SORBS2: variants seen among roughly 807,000 people sequenced by gnomAD.
SORBS2 encodes sorbin and SH3 domain containing 2, also known as sorbin and SH3 domain-containing protein 2.
In SORBS2, 46 loss-of-function variants were observed where a neutral mutation model predicts 97.7. That is an observed-to-expected ratio of 0.47 (90% CI 0.37 to 0.60). The LOEUF (loss-of-function observed/expected upper bound fraction) is 0.60, where lower values mean the gene tolerates loss of function less well. SORBS2 is among the 20% of genes least tolerant of loss of function. The pLI is 0.00. For synonymous variants in SORBS2, 476 were observed against 473.4 expected (o/e 1.01, Z -0.07); for missense variants, 1,316 against 1,282.3 (o/e 1.03, Z -0.40).
exon 7 of SORBS2, chr4:185,624,144 G>A (rs769209264): frequency 3.1e-6 from 5 of 1,614,104 alleles, no homozygotes; most frequent in Admixed American, 1.7e-5. Flanking sequence ...GGGACGTAGG[G>A]GGACCCCCAC....
chr4:185,879,429 T>C (rs976492171), intron 1 of SORBS2, among the ~76,000 whole-genome samples: 6 of 152,260 alleles, frequency 3.9e-5, no homozygotes, highest in African/African-American at 1.4e-4. Flanking sequence ...TTGATGGACA[T>C]TCGGGTTGGT....
chr4:185,915,663 A>AC (rs1283257278), intron 1 of SORBS2, among the ~76,000 whole-genome samples: 1 of 151,922 alleles, frequency 6.6e-6, no homozygotes, highest in Non-Finnish European at 1.5e-5. Flanking sequence ...CCTATGTGCT[A>AC]CACTTGTACT....
At chr4:185,908,862 T>C (rs2099253200) in intron 1 of SORBS2, among the ~76,000 whole-genome samples, 1 of 151,812 alleles carries the variant, frequency 6.6e-6, no homozygotes, top group South Asian at 2.1e-4. Context: ...GCATAACATA[T>C]AAAAATATAT....
At chr4:185,764,494 T>C (rs1423411417) in intron 2 of SORBS2, among the ~76,000 whole-genome samples, 1 of 152,168 alleles carries the variant, frequency 6.6e-6, no homozygotes, top group East Asian at 1.9e-4. Flanking sequence ...CTAAATTCAT[T>C]TTCTCTTTGA....
At chr4:185,866,821 T>C (rs373356222) in intron 1 of SORBS2, among the ~76,000 whole-genome samples, 3 of 152,324 alleles carry the variant, frequency 2.0e-5, no homozygotes, top group African/African-American at 7.2e-5. Flanking sequence ...CCAATAAATG[T>C]ACATTTCTTA....
intron 1 of SORBS2, among the ~76,000 whole-genome samples, chr4:185,926,555 GT>G (rs201109014): frequency 4.8e-4 from 17 of 35,252 alleles, no homozygotes; most frequent in South Asian, 2.7e-3. Flanking sequence ...TTGTGGTTTT[GT>G]TTTTTTTTTA....
intron 12 of SORBS2, 200 bp from the exon 25 acceptor site, chr4:185,594,135 TAAGC>T (rs2096026885): frequency 3.6e-6 from 2 of 553,772 alleles, no homozygotes; most frequent in Non-Finnish European, 6.3e-6. Context: ...TAAAGCAAAA[TAAGC>T]AAGGTCAAAT....
chr4:185,906,944 G>A (rs2099251229), intron 1 of SORBS2, among the ~76,000 whole-genome samples: 2 of 152,074 alleles, frequency 1.3e-5, no homozygotes, highest in African/African-American at 4.8e-5. Flanking sequence ...TGGCCAACAT[G>A]GCGAAACCCC....
intron 2 of SORBS2, among the ~76,000 whole-genome samples, chr4:185,752,962 C>G (rs145293690): frequency 6.6e-6 from 1 of 152,310 alleles, no homozygotes; most frequent in Non-Finnish European, 1.5e-5. Flanking sequence ...ATATGCCACA[C>G]TTAGAGTACT....
upstream of SORBS2, among the ~76,000 whole-genome samples, chr4:185,658,948 C>T (rs189529843): frequency 2.8e-3 from 423 of 152,068 alleles, 4 homozygotes; most frequent in African/African-American, 9.8e-3. Context: ...CCTCATGATC[C>T]GCCCGCCTCG....
chr4:185,806,622 T>TA (rs1222137133), intron 1 of SORBS2, among the ~76,000 whole-genome samples: 3 of 151,344 alleles, frequency 2.0e-5, no homozygotes, highest in Admixed American at 6.6e-5. Context: ...TACGCCCGGC[T>TA]AATTTTTTGT....
rs2153657273 is a variant in SORBS2, at chr4:185,800,557, G to A, written c.-337-25191C>T. Among the ~76,000 whole-genome samples the A allele has an allele frequency of 1.3e-5, 2 of 152,140 alleles. 1 individual carries two copies. Among genetic ancestry groups the A allele is most frequent in the South Asian group, 4.2e-4 (2 of 4,812 alleles). ...GCCTATCTCTTTGCTGTCCTCCCTG[G>A]GATCTTGCCCCTGGGGTAGCCCTGC... On this transcript the variant is annotated intron_variant, in intron 1 of 20. Coordinates refer to the SORBS2 transcript ENST00000284776.
At chr4:185,877,883 A>AAAGAAAG (rs1554045187) in intron 1 of SORBS2, among the ~76,000 whole-genome samples, 2 of 145,178 alleles carry the variant, frequency 1.4e-5, no homozygotes, top group African/African-American at 5.1e-5. Flanking sequence ...ACAAAAAAAA[A>AAAGAAAG]AAAGAAAGAA....
At chr4:185,781,522 C>A (rs1026258284) in intron 1 of SORBS2, among the ~76,000 whole-genome samples, 25 of 146,852 alleles carry the variant, frequency 1.7e-4, no homozygotes, top group Non-Finnish European at 3.1e-4. Flanking sequence ...CATTGCCTCC[C>A]GCCTCTCCAG....
At chr4:185,631,209 T>C (rs753579045) in intron 4 of SORBS2, among the ~76,000 whole-genome samples, 5 of 152,246 alleles carry the variant, frequency 3.3e-5, no homozygotes, top group Non-Finnish European at 7.3e-5. Context: ...TAAATAGTTA[T>C]ACTTTTACAA....
intron 2 of SORBS2, among the ~76,000 whole-genome samples, chr4:185,691,562 T>C (rs2098095111): frequency 6.6e-6 from 1 of 152,054 alleles, no homozygotes. Flanking sequence ...ACGCATATTT[T>C]CAGGACACTG....
chr4:185,898,318 C>T (rs1003099968), intron 1 of SORBS2, among the ~76,000 whole-genome samples: 16 of 151,998 alleles, frequency 1.1e-4, no homozygotes, highest in Admixed American at 2.0e-4. Context: ...GGGAAATGAA[C>T]GGTAGGGGAC....
intron 1 of SORBS2, among the ~76,000 whole-genome samples, chr4:185,932,553 G>A (rs1226059091): frequency 2.6e-5 from 4 of 152,114 alleles, no homozygotes; most frequent in Non-Finnish European, 2.9e-5. Flanking sequence ...AAGGAGCTAA[G>A]CCTACCGCAC....
intron 2 of SORBS2, among the ~76,000 whole-genome samples, chr4:185,759,546 A>G (rs944575072): frequency 2.0e-5 from 3 of 152,202 alleles, no homozygotes; most frequent in Non-Finnish European, 2.9e-5. Flanking sequence ...ATAATAGTGA[A>G]TGATGGTGAA....
Sources: allele counts gnomAD v4.1 joint callset (sites outside exome capture counted in the v4.1 genomes callset), GRCh38; gene constraint gnomAD v4.1.1; transcripts MANE v1.5; gene names NCBI Gene and HGNC (gene_info 2026-07-23, HGNC 2026-07-21).